The following RNLS variants were observed in gnomAD, a reference collection of about 807,000 sequenced individuals.
The protein encoded by RNLS is renalase, FAD dependent amine oxidase.
RNLS carries 39 observed loss-of-function variants against 39.8 expected under a neutral mutation model. The observed-to-expected ratio is 0.98, with a 90% CI of 0.76 to 1.28. The LOEUF is 1.28. Among genes scored for constraint, RNLS ranks in the 50% most tolerant of loss-of-function variants. The probability of loss-of-function intolerance (pLI) is 0.00; values close to 1 mark genes in which losing one functional copy is unlikely to be tolerated. For synonymous variants in RNLS, 147 were observed against 150.7 expected, an observed-to-expected ratio of 0.98 and a Z score of 0.18; for missense variants, 410 against 413.3, an observed-to-expected ratio of 0.99 and a Z score of 0.07.
intron 6 of RNLS, among the ~76,000 whole-genome samples, chr10:88,293,288 G>C (rs1474989399): frequency 6.6e-6 from 1 of 152,124 alleles, no homozygotes; most frequent in Non-Finnish European, 1.5e-5. Flanking sequence ...AGATGGTATG[G>C]AGCTGATTCA....
Position 88,444,315 on chromosome 10 carries a change from A to G in RNLS, c.527-81590T>C, listed in dbSNP as rs1170603315. 2.0e-5 allele frequency among the ~76,000 whole-genome samples: 3 copies of G among 152,324 alleles called. No homozygotes were observed. The East Asian group carries it at 5.8e-4, about 29-fold the overall frequency. ...GAAAGGACATCCACACCAAAACCCCACCTGTACGTCACCATCATCAAAGAC... is the reference window on the plus strand; with the variant it reads ...GAAAGGACATCCACACCAAAACCCCGCCTGTACGTCACCATCATCAAAGAC... On this transcript the variant is annotated intron_variant, in intron 4 of 6. Transcript: ENST00000331772.
At chr10:88,361,398 A>G (rs1416016515) in intron 5 of RNLS, among the ~76,000 whole-genome samples, 1 of 152,196 alleles carries the variant, frequency 6.6e-6, no homozygotes, top group African/African-American at 2.4e-5. Flanking sequence ...CCTGACAGAT[A>G]TCATATCTTA....
At chr10:88,387,306 C>T (rs1017284086) in intron 4 of RNLS, among the ~76,000 whole-genome samples, 45 of 151,940 alleles carry the variant, frequency 3.0e-4, no homozygotes, top group African/African-American at 1.0e-3. Flanking sequence ...TAGAAGTAGA[C>T]CTGAAGCCCT....
rs766871363 is a variant in RNLS, at chr10:88,581,622, G to GT, written c.311dup (p.Asn104LysfsTer13). 1 of 1,609,614 alleles carries GT rather than the reference G, an allele frequency of 6.2e-7. No individual in the cohort carries two copies. The highest frequency in any genetic ancestry group is 2.2e-5 in the East Asian group (1 of 44,466). ...AAGAAATTCCTTGAGGTGCCACAAA[G>GT]TTACAGTCTCCTTCTTTCATCACCA... On this transcript the variant is annotated frameshift_variant, in exon 3 of 7. Coordinates refer to ENST00000331772, the MANE Select transcript of RNLS (RefSeq NM_001031709.3). LOFTEE classifies it high-confidence loss of function.
chr10:88,268,167 G>T, the RNLS span, among the ~76,000 whole-genome samples: 1 of 152,122 alleles, frequency 6.6e-6, no homozygotes, highest in African/African-American at 2.4e-5. Context: ...ATTTCAATAT[G>T]CAAGCTCACC....
chr10:88,516,468 C>G (rs779667174), intron 4 of RNLS, among the ~76,000 whole-genome samples: 1 of 151,756 alleles, frequency 6.6e-6, no homozygotes, highest in Non-Finnish European at 1.5e-5. Flanking sequence ...ATAATTCTTA[C>G]GGAATTAAGT....
At chr10:88,541,150 AC>A (rs1383403101) in intron 4 of RNLS, among the ~76,000 whole-genome samples, 2 of 152,200 alleles carry the variant, frequency 1.3e-5, no homozygotes, top group African/African-American at 4.8e-5. Context: ...AAAGATTTAA[AC>A]TTTATGAGCA....
chr10:88,415,040 T>C (rs538242765), intron 4 of RNLS, among the ~76,000 whole-genome samples: 84 of 152,244 alleles, frequency 5.5e-4, no homozygotes, highest in African/African-American at 1.9e-3. Context: ...GCACAGATAC[T>C]GTATGTGTGA....
At chr10:88,235,193 G>A in the RNLS span, among the ~76,000 whole-genome samples, 364 of 151,132 alleles carry the variant, frequency 2.4e-3, no homozygotes, top group Non-Finnish European at 3.2e-3. Context: ...GCGTGAACGC[G>A]GGAGGTGGAG....
chr10:88,466,060 A>G (rs1012487982), intron 4 of RNLS, among the ~76,000 whole-genome samples: 1 of 152,030 alleles, frequency 6.6e-6, no homozygotes, highest in Non-Finnish European at 1.5e-5. Context: ...TTCTGTATCC[A>G]TTGTTAGAAG....
chr10:88,234,485 C>T, the RNLS span, among the ~76,000 whole-genome samples: 1 of 152,144 alleles, frequency 6.6e-6, no homozygotes, highest in African/African-American at 2.4e-5. Context: ...CTAAGTGTCC[C>T]CTTGTTTCCA....
At chr10:88,300,638 C>T (rs1406303324) in intron 6 of RNLS, among the ~76,000 whole-genome samples, 6 of 152,092 alleles carry the variant, frequency 3.9e-5, no homozygotes, top group Non-Finnish European at 7.4e-5. Flanking sequence ...TGTACTATAT[C>T]AGGATTATGT....
intron 6 of RNLS, among the ~76,000 whole-genome samples, chr10:88,309,667 A>G (rs905642560): frequency 2.0e-5 from 3 of 152,218 alleles, no homozygotes; most frequent in African/African-American, 7.2e-5. Flanking sequence ...ATAAAAGGAT[A>G]GAGTCAAAAG....
At position 88,471,803 on chromosome 10, in the gene RNLS, C is replaced by G. The variant is rs573132190; in HGVS notation, c.526+101100G>C. 8.5e-4 allele frequency among the ~76,000 whole-genome samples: 129 copies of G among 152,262 alleles called. 1 individual carries two copies. The highest frequency in any genetic ancestry group is 1.5e-3 in the Non-Finnish European group (99 of 68,028). On this transcript the variant is annotated intron_variant, in intron 4 of 6. Coordinates refer to ENST00000331772, the MANE Select transcript of RNLS (RefSeq NM_001031709.3). ...ATGGGGATGTGTCTAATTCTCCCAGCAACAATGTATGACAACACATGCTCA... is the reference window on the plus strand; with the variant it reads ...ATGGGGATGTGTCTAATTCTCCCAGGAACAATGTATGACAACACATGCTCA...
chr10:88,314,891 A>C (rs941652700), intron 5 of RNLS, among the ~76,000 whole-genome samples: 2 of 152,208 alleles, frequency 1.3e-5, no homozygotes, highest in Non-Finnish European at 2.9e-5. Context: ...ACTGGAAGAA[A>C]GGGTAGAAGT....
At chr10:88,507,388 C>T (rs181660364) in intron 4 of RNLS, among the ~76,000 whole-genome samples, 1 of 152,092 alleles carries the variant, frequency 6.6e-6, no homozygotes, top group Admixed American at 6.6e-5. Context: ...AGAAGGAGTC[C>T]AATCAGCTGT....
At chr10:88,580,934 A>G (rs1021478413) in intron 3 of RNLS, among the ~76,000 whole-genome samples, 1 of 152,310 alleles carries the variant, frequency 6.6e-6, no homozygotes, top group South Asian at 2.1e-4. Context: ...TAAAAATGCA[A>G]ATATCGTTTG....
chr10:88,289,330 C>T (rs777878130), intron 6 of RNLS, among the ~76,000 whole-genome samples: 3 of 152,156 alleles, frequency 2.0e-5, no homozygotes, highest in Non-Finnish European at 4.4e-5. Context: ...CTTGCCACTT[C>T]TCTCGCCTTT....
At chr10:88,347,012 CTT>C (rs939562151) in intron 5 of RNLS, among the ~76,000 whole-genome samples, 1 of 152,170 alleles carries the variant, frequency 6.6e-6, no homozygotes, top group Non-Finnish European at 1.5e-5. Flanking sequence ...GATCCCATCT[CTT>C]TGGGATAATG....
Sources: gnomAD v4.1 joint callset for allele counts (sites outside exome capture counted in the v4.1 genomes callset) on GRCh38, gnomAD v4.1.1 for gene constraint, MANE v1.5 for transcripts, NCBI Gene and HGNC (gene_info 2026-07-23, HGNC 2026-07-21) for gene names.